The following FRMD4B variants were observed in gnomAD, a reference collection of about 807,000 sequenced individuals.
The protein encoded by FRMD4B is FERM domain containing 4B.
In FRMD4B, 74 loss-of-function variants were observed where a neutral mutation model predicts 141.5. The ratio of observed to expected loss-of-function variants is 0.52; its 90% CI spans 0.43 to 0.63. The LOEUF is 0.63. FRMD4B is among the 30% of genes least tolerant of loss of function. The pLI is 0.00. For synonymous variants in FRMD4B, 506 were observed against 467.9 expected, an observed-to-expected ratio of 1.08 and a Z score of -1.05; for missense variants, 1,366 against 1,253.4, an observed-to-expected ratio of 1.09 and a Z score of -1.36.
chr3:69,294,563 C>T (rs1198114088), intron 4 of FRMD4B, among the ~76,000 whole-genome samples: 3 of 152,248 alleles, frequency 2.0e-5, no homozygotes, highest in African/African-American at 7.2e-5. Context: ...AATTTCCAGA[C>T]ATGGCTAGAA....
chr3:69,307,304 A>G (rs1384623701), intron 3 of FRMD4B, among the ~76,000 whole-genome samples: 1 of 152,170 alleles, frequency 6.6e-6, no homozygotes, highest in Non-Finnish European at 1.5e-5. Flanking sequence ...GCAGACAACA[A>G]GAAGGGTGGC....
At position 69,170,465 on chromosome 3, in the gene FRMD4B, T is replaced by A. The variant is rs1436951549; in HGVS notation, c.*1396A>T. 1 of 152,122 alleles carries A rather than the reference T, an allele frequency of 6.6e-6. No individual in the cohort carries two copies. The highest frequency in any genetic ancestry group is 2.4e-5 in the African/African-American group (1 of 41,430). The allele number at this position is 152,122 out of a possible 1,614,324, so 9.4% of individuals were successfully genotyped here. ...CAAACTTCATTTCTAATTATACAAA[T>A]GACTAAGGACCAGTTTAACAAATCG... On this transcript the variant is annotated 3_prime_UTR_variant, in exon 23 of 23. Coordinates refer to ENST00000398540, the MANE Select transcript of FRMD4B (RefSeq NM_015123.3).
At chr3:69,361,239 CT>C (rs796159882) in intron 1 of FRMD4B, among the ~76,000 whole-genome samples, 6 of 152,082 alleles carry the variant, frequency 3.9e-5, no homozygotes, top group African/African-American at 1.2e-4. Context: ...TTTCCAAGTC[CT>C]TGTGACATGG....
intron 3 of FRMD4B, among the ~76,000 whole-genome samples, chr3:69,307,292 G>C (rs964542487): frequency 6.6e-6 from 1 of 152,120 alleles, no homozygotes; most frequent in East Asian, 1.9e-4. Context: ...AGAAATCTCA[G>C]GGCAGACAAC....
intron 1 of FRMD4B, among the ~76,000 whole-genome samples, chr3:69,450,454 CA>C (rs541824792): frequency 2.7e-4 from 39 of 146,898 alleles, no homozygotes; most frequent in Admixed American, 4.1e-4. Flanking sequence ...GACGCTGTCT[CA>C]AAAAAAAACA....
chr3:69,212,381 G>GAAAAAAAAAAAAA (rs61444871), intron 11 of FRMD4B, among the ~76,000 whole-genome samples: 2 of 95,598 alleles, frequency 2.1e-5, no homozygotes, highest in Non-Finnish European at 3.8e-5. Context: ...AAAAAAAAAA[G>GAAAAAAAAAAAAA]AAAAAAAAAA....
intron 1 of FRMD4B, among the ~76,000 whole-genome samples, chr3:69,344,632 G>C (rs974628389): frequency 1.3e-5 from 2 of 152,056 alleles, no homozygotes; most frequent in Non-Finnish European, 2.9e-5. Flanking sequence ...TCTCTCTCTT[G>C]TCTACTGGGC....
chr3:69,261,344 G>A (rs1055886275), intron 5 of FRMD4B, among the ~76,000 whole-genome samples: 2 of 152,194 alleles, frequency 1.3e-5, no homozygotes, highest in East Asian at 3.9e-4. Context: ...CTTTAAGTCA[G>A]TGAGACCAAG....
rs73835744 is a variant in FRMD4B, at chr3:69,171,495, T to C, written c.*366A>G. ...GCTCTGAGATTTCCCCTGTTCTTATTGCCATGGGACATCCTGAATGCCCTT... is the reference window on the plus strand; with the variant it reads ...GCTCTGAGATTTCCCCTGTTCTTATCGCCATGGGACATCCTGAATGCCCTT... On this transcript the variant is annotated 3_prime_UTR_variant, in exon 23 of 23. Coordinates refer to ENST00000398540, the MANE Select transcript of FRMD4B (RefSeq NM_015123.3). 0.022 allele frequency: 4,002 copies of C among 178,270 alleles called. 182 individuals carry two copies. The highest frequency in any genetic ancestry group is 0.091 in the African/African-American group (3,801 of 41,976). 11.0% of individuals were successfully genotyped at this position (178,270 alleles called of 1,614,324 possible). A position where few individuals can be genotyped will look rare whatever the true frequency, so the allele number is the denominator to read the frequency against.
At chr3:69,247,238 G>C (rs901014731) in intron 7 of FRMD4B, among the ~76,000 whole-genome samples, 13 of 152,050 alleles carry the variant, frequency 8.5e-5, no homozygotes, top group Non-Finnish European at 1.8e-4. Context: ...CCATTTTACC[G>C]ATGAGGAAAC....
chr3:69,280,814 T>A (rs7617757), intron 5 of FRMD4B, among the ~76,000 whole-genome samples: 72,724 of 151,758 alleles, frequency 0.48, 17,733 homozygotes, highest in Admixed American at 0.53. Flanking sequence ...GAGATGGAGT[T>A]CACTATGTTG....
At chr3:69,245,340 TG>T (rs2093416059) in intron 7 of FRMD4B, among the ~76,000 whole-genome samples, 4 of 148,168 alleles carry the variant, frequency 2.7e-5, no homozygotes, top group African/African-American at 1.1e-4. Flanking sequence ...TGTGTGTGTG[TG>T]TGTGTGTGTG....
At chr3:69,498,823 T>A (rs555963851) in intron 1 of FRMD4B, among the ~76,000 whole-genome samples, 1 of 152,198 alleles carries the variant, frequency 6.6e-6, no homozygotes, top group African/African-American at 2.4e-5. Context: ...CCAGGACTTA[T>A]TCCTTCAATG....
intron 11 of FRMD4B, among the ~76,000 whole-genome samples, chr3:69,210,185 T>C (rs141833752): frequency 3.5e-4 from 54 of 152,324 alleles, no homozygotes; most frequent in African/African-American, 1.1e-3. Flanking sequence ...AAGATACTTA[T>C]CTTGAGAAGC....
At chr3:69,448,222 G>A (rs1705439296) in intron 1 of FRMD4B, among the ~76,000 whole-genome samples, 1 of 151,990 alleles carries the variant, frequency 6.6e-6, no homozygotes, top group African/African-American at 2.4e-5. Flanking sequence ...TAGAGACGAT[G>A]TTTCACCATG....
intron 1 of FRMD4B, among the ~76,000 whole-genome samples, chr3:69,530,300 A>G (rs557018642): frequency 5.3e-5 from 8 of 152,308 alleles, no homozygotes; most frequent in Non-Finnish European, 1.0e-4. Flanking sequence ...ATGGGGATGG[A>G]TCCCTCATGA....
At chr3:69,436,331 T>C (rs1224356017) in intron 1 of FRMD4B, among the ~76,000 whole-genome samples, 2 of 152,140 alleles carry the variant, frequency 1.3e-5, no homozygotes, top group Non-Finnish European at 2.9e-5. Flanking sequence ...CAGACGGAAA[T>C]ATATACAATG....
intron 1 of FRMD4B, among the ~76,000 whole-genome samples, chr3:69,372,881 T>C (rs959668903): frequency 6.6e-6 from 1 of 152,212 alleles, no homozygotes; most frequent in African/African-American, 2.4e-5. Flanking sequence ...ATATCTCCAA[T>C]TTAAAAATGA....
chr3:69,244,441 T>C (rs1218134814), intron 7 of FRMD4B, among the ~76,000 whole-genome samples: 3 of 152,126 alleles, frequency 2.0e-5, no homozygotes, highest in African/African-American at 4.8e-5. Context: ...CCTAGGAAGG[T>C]ATTTGGGGAC....
Sources: allele counts gnomAD v4.1 joint callset (sites outside exome capture counted in the v4.1 genomes callset), GRCh38; gene constraint gnomAD v4.1.1; transcripts MANE v1.5; gene names NCBI Gene and HGNC (gene_info 2026-07-23, HGNC 2026-07-21).